Variants in COL28A1 observed in about 807,000 individuals in gnomAD.
COL28A1 encodes the protein collagen alpha-1(XXVIII) chain.
A neutral mutation model predicts 150.2 loss-of-function variants in COL28A1; 161 were observed. The observed-to-expected ratio is 1.07, with a 90% confidence interval of 0.94 to 1.22. The LOEUF (loss-of-function observed/expected upper bound fraction) is 1.22, where lower values mean the gene tolerates loss of function less well. Among genes scored for constraint, COL28A1 ranks in the 50% most tolerant of loss-of-function variants. The pLI is 0.00. For synonymous variants in COL28A1, 552 were observed against 469.7 expected (o/e 1.18, Z -2.26); for missense variants, 1,617 against 1,388.3 (o/e 1.16, Z -2.62).
chr7:7,531,509 T>C lies in COL28A1; in HGVS notation c.520A>G (p.Ile174Val), dbSNP rs190228452. The C allele has an allele frequency of 1.9e-6, 3 of 1,612,320 alleles. No individual in the cohort carries two copies. The highest frequency in any genetic ancestry group is 1.7e-5 in the Admixed American group (1 of 59,980). Residue 174 changes from isoleucine to valine, a missense_variant, in exon 3 of 35, where the codon ATT (isoleucine) becomes GTT (valine). By Grantham distance (29) the Ile-to-Val change is conservative (BLOSUM62 3). Transcript: ENST00000399429. ...DHPKNPDVQSISEDARISGIS... is the reference protein window; with the variant it reads ...DHPKNPDVQSVSEDARISGIS... ...CCTGAAATTCTGGCATCTTCAGAAA[T>C]ACTTTGAACATCTGGATTCTTTGGA...
chr7:7,389,571 T>C (rs1357484689), intron 27 of COL28A1, among the ~76,000 whole-genome samples: 1 of 152,222 alleles, frequency 6.6e-6, no homozygotes, highest in East Asian at 1.9e-4. Context: ...GCATTGAATC[T>C]ATAAATTACT....
chr7:7,464,246 C>G (rs1315485700), intron 15 of COL28A1, among the ~76,000 whole-genome samples: 1 of 152,132 alleles, frequency 6.6e-6, no homozygotes, highest in Non-Finnish European at 1.5e-5. Context: ...CAGCACTAGA[C>G]AGGTCATCGA....
chr7:7,410,214 G>A (rs1783704416), intron 27 of COL28A1, among the ~76,000 whole-genome samples: 1 of 152,064 alleles, frequency 6.6e-6, no homozygotes. Context: ...GTGGACTTTT[G>A]ATTTTGGTTT....
intron 11 of COL28A1, among the ~76,000 whole-genome samples, chr7:7,494,101 C>T (rs182726999): frequency 1.5e-4 from 23 of 152,218 alleles, no homozygotes; most frequent in African/African-American, 4.8e-4. Flanking sequence ...AGGTAAACCA[C>T]CTTTGTCCTT....
intron 32 of COL28A1, among the ~76,000 whole-genome samples, chr7:7,372,732 C>G (rs1270707530): frequency 6.6e-6 from 1 of 152,214 alleles, no homozygotes; most frequent in Non-Finnish European, 1.5e-5. Context: ...TTCTTTCTCT[C>G]CATTCCTGTC....
At chr7:7,435,989 A>G (rs1785312687) in intron 23 of COL28A1, among the ~76,000 whole-genome samples, 1 of 152,186 alleles carries the variant, frequency 6.6e-6, no homozygotes, top group African/African-American at 2.4e-5. Flanking sequence ...TTTCCCTTTG[A>G]AATAACTCAA....
intron 18 of COL28A1, among the ~76,000 whole-genome samples, chr7:7,446,485 A>G (rs1420716513): frequency 6.6e-6 from 1 of 152,192 alleles, no homozygotes; most frequent in East Asian, 1.9e-4. Context: ...CAAGATCACA[A>G]GCTTAGTTGG....
At position 7,433,846 on chromosome 7, in the gene COL28A1, G is replaced by A. The variant is rs79628151; in HGVS notation, c.1861-1146C>T. Among the ~76,000 whole-genome samples, 975 of 152,198 alleles carry A rather than the reference G, an allele frequency of 6.4e-3. 9 individuals are homozygous for A. The highest frequency in any genetic ancestry group is 8.5e-3 in the Non-Finnish European group (578 of 68,018). On this transcript the variant is annotated intron_variant, in intron 23 of 34. Coordinates refer to ENST00000399429, the MANE Select transcript of COL28A1 (RefSeq NM_001037763.3). ...TTTATGGTTTTTCTTTATATTGGGAGGAAACTCTAACAACAGGCAGACCTT... is the reference window on the plus strand; with the variant it reads ...TTTATGGTTTTTCTTTATATTGGGAAGAAACTCTAACAACAGGCAGACCTT...
At chr7:7,418,510 T>C (rs1440984193) in intron 26 of COL28A1, among the ~76,000 whole-genome samples, 2 of 152,206 alleles carry the variant, frequency 1.3e-5, no homozygotes, top group African/African-American at 4.8e-5. Context: ...GCATGCGCTT[T>C]CCCTTGGAGA....
At chr7:7,415,859 G>C (rs886861228) in intron 27 of COL28A1, among the ~76,000 whole-genome samples, 1 of 152,026 alleles carries the variant, frequency 6.6e-6, no homozygotes, top group Non-Finnish European at 1.5e-5. Context: ...CTGGAGTACA[G>C]TGGCACTATC....
intron 27 of COL28A1, among the ~76,000 whole-genome samples, chr7:7,399,460 C>T (rs747614446): frequency 1.3e-5 from 2 of 152,116 alleles, no homozygotes; most frequent in African/African-American, 4.8e-5. Flanking sequence ...CTTCAGAGTG[C>T]CTATTTCAGG....
chr7:7,463,381 C>T (rs995930963), intron 15 of COL28A1, among the ~76,000 whole-genome samples: 9 of 152,092 alleles, frequency 5.9e-5, no homozygotes, highest in African/African-American at 2.2e-4. Flanking sequence ...TCTACAAAAA[C>T]CCTAGAGCAG....
chr7:7,542,101 G>A, the COL28A1 span, among the ~76,000 whole-genome samples: 4 of 152,224 alleles, frequency 2.6e-5, no homozygotes, highest in Non-Finnish European at 5.9e-5. Flanking sequence ...TGTAATCCCA[G>A]CACTTTGGGA....
At chr7:7,372,513 A>T (rs1781291324) in intron 32 of COL28A1, among the ~76,000 whole-genome samples, 1 of 152,226 alleles carries the variant, frequency 6.6e-6, no homozygotes, top group East Asian at 1.9e-4. Context: ...ATAAAAACAG[A>T]GAATAGAACA....
At chr7:7,437,718 C>A (rs1785445490) in intron 21 of COL28A1, among the ~76,000 whole-genome samples, 1 of 152,096 alleles carries the variant, frequency 6.6e-6, no homozygotes, top group South Asian at 2.1e-4. Flanking sequence ...CTTGTGCAGC[C>A]TCTTATTAGC....
downstream of COL28A1, among the ~76,000 whole-genome samples, chr7:7,351,280 G>A (rs1303423750): frequency 1.3e-5 from 2 of 152,138 alleles, no homozygotes; most frequent in Admixed American, 6.6e-5. Context: ...CAGCCAGAAT[G>A]AGAAAGGATA....
Position 7,452,336 on chromosome 7 carries a change from C to A in COL28A1, c.1492G>T (p.Gly498Ter). 1.2e-6 allele frequency: 2 copies of A among 1,606,302 alleles called. No individual in the cohort carries two copies. Among genetic ancestry groups the A allele is most frequent in the Admixed American group, 1.7e-5 (1 of 57,168 alleles). The change falls in exon 18 of 35, where the codon GGA (glycine) becomes TGA (stop). Residue 498 changes from glycine to a stop codon, truncating the protein, a stop_gained. Transcript: ENST00000399429. LOFTEE classifies it high-confidence loss of function. ...PTGPRGPVGI[G>*]VQGPKGEPGS... ...CAACTCACCTTTGGACCTTGTACTC[C>A]AATTCCCACTGGTCCTCGAGGGCCT...
intron 13 of COL28A1, among the ~76,000 whole-genome samples, chr7:7,482,590 G>C (rs980398386): frequency 1.3e-5 from 2 of 150,424 alleles, no homozygotes; most frequent in Non-Finnish European, 3.0e-5. Context: ...GCAACATTTT[G>C]ATACATTATT....
intron 9 of COL28A1, among the ~76,000 whole-genome samples, chr7:7,508,804 T>A (rs1009052231): frequency 2.6e-5 from 4 of 151,948 alleles, no homozygotes; most frequent in African/African-American, 9.7e-5. Context: ...TTGCCCACAC[T>A]GGTGATATAA....
Sources: gnomAD v4.1 joint callset for allele counts (sites outside exome capture counted in the v4.1 genomes callset) on GRCh38, gnomAD v4.1.1 for gene constraint, MANE v1.5 for transcripts, NCBI Gene and HGNC (gene_info 2026-07-23, HGNC 2026-07-21) for gene names.